Variants in TOX4 observed in about 807,000 individuals in gnomAD.
TOX4 encodes the protein TOX high mobility group box family member 4, also known as epidermal Langerhans cell protein LCP1.
In TOX4, 12 loss-of-function variants were observed where a neutral mutation model predicts 61.0. That is an observed-to-expected ratio of 0.20 (90% confidence interval 0.13 to 0.32). The LOEUF (loss-of-function observed/expected upper bound fraction) is 0.32, where lower values mean the gene tolerates loss of function less well. Ranked by LOEUF, TOX4 falls within the 10% of genes least tolerant of loss-of-function variation. The probability of loss-of-function intolerance (pLI) is 1.00; values close to 1 mark genes in which losing one functional copy is unlikely to be tolerated. For missense variants in TOX4, 499 were observed against 753.3 expected (o/e 0.66, Z 3.95); for synonymous variants, 268 against 274.8 (o/e 0.98, Z 0.24).
chr14:21,489,878 G>T (rs943235145), intron 5 of TOX4, among the ~76,000 whole-genome samples: 2 of 151,014 alleles, frequency 1.3e-5, no homozygotes, highest in Non-Finnish European at 2.9e-5. Flanking sequence ...ACTGCGCCCG[G>T]CCTATTTAAA....
chr14:21,486,978 G>C (rs1891200442), intron 2 of TOX4, among the ~76,000 whole-genome samples: 1 of 152,198 alleles, frequency 6.6e-6, no homozygotes, highest in Non-Finnish European at 1.5e-5. Flanking sequence ...GCATCTGTTT[G>C]AAAGGAACCT....
At chr14:21,495,960 A>G (rs1430569584) in intron 8 of TOX4, 2 of 153,348 alleles carry the variant, frequency 1.3e-5, no homozygotes, top group African/African-American at 4.8e-5. Flanking sequence ...CTATCTCACC[A>G]TAATGCTGTA....
At chr14:21,477,651 A>C in intron 2 of TOX4, 87 bp downstream of exon 2, 1 of 1,485,112 alleles carries the variant, frequency 6.7e-7, no homozygotes, top group Non-Finnish European at 9.2e-7. Context: ...GACTCCGGGG[A>C]CGGGGGCTGG....
intron 5 of TOX4, 67 bp downstream of exon 5, chr14:21,489,470 TTTC>T (rs1891247269): frequency 7.4e-7 from 1 of 1,357,268 alleles, no homozygotes. Context: ...AAATTGAGGT[TTTC>T]TTTTTTCTTA....
At chr14:21,480,578 G>A (rs543875181) in intron 2 of TOX4, among the ~76,000 whole-genome samples, 171 of 151,406 alleles carry the variant, frequency 1.1e-3, no homozygotes, top group African/African-American at 4.0e-3. Flanking sequence ...AGACTTTGCC[G>A]ACCCTCCCCC....
At position 21,488,742 on chromosome 14, in the gene TOX4, A is replaced by G. The variant is rs1262367260; in HGVS notation, c.471A>G (p.Leu157=). 6.2e-7 allele frequency: 1 copy of G among 1,614,168 alleles called. No homozygotes were observed. The highest frequency in any genetic ancestry group is 8.5e-7 in the Non-Finnish European group (1 of 1,180,036). The change falls in exon 4 of 9, where the codon CTA becomes CTG. Residue 157 remains leucine (L), a synonymous_variant. Transcript: ENST00000448790. ...SELSSQLGLS[L]GGGTILPPAQ... ...TGAGTTCCCAGCTGGGTTTGAGCCT[A>G]GGGGGTGGCACCATCCTGCCACCTG...
Position 21,492,900 on chromosome 14 carries a change from A to AGCTGCT in TOX4, c.1297_1302dup (p.Ala433_Ala434dup), listed in dbSNP as rs111748520. 5.6e-6 allele frequency: 9 copies of AGCTGCT among 1,605,294 alleles called. No homozygotes were observed. The highest frequency in any genetic ancestry group is 4.2e-6 in the Non-Finnish European group (5 of 1,177,754). ...CTCGGTCAGTGTTGCAGGCAGCAGC[A>AGCTGCT]GCTGCTGCTGCTGCTGCTTCTATGC... is the stretch of plus-strand genomic sequence containing the variant. On this transcript the variant is annotated inframe_insertion, in exon 7 of 9. Transcript: ENST00000448790.
intron 7 of TOX4, among the ~76,000 whole-genome samples, chr14:21,494,749 CAA>C (rs71419140): frequency 1.7e-3 from 179 of 105,670 alleles, no homozygotes; most frequent in Admixed American, 2.5e-3. Flanking sequence ...GACTCCGTCT[CAA>C]AAAAAAAAAA....
intron 8 of TOX4, chr14:21,495,714 GA>G (rs1891385497): frequency 6.1e-6 from 1 of 164,392 alleles, no homozygotes; most frequent in Non-Finnish European, 1.3e-5. Flanking sequence ...ACTACTTAGG[GA>G]ACTAGAATTT....
At chr14:21,495,049 A>G (rs933246323) in intron 7 of TOX4, among the ~76,000 whole-genome samples, 180 bp from the exon 8 acceptor site, 1 of 152,146 alleles carries the variant, frequency 6.6e-6, no homozygotes, top group Non-Finnish European at 1.5e-5. Flanking sequence ...CTGCTTGGCA[A>G]AGTTCTGAAG....
At chr14:21,490,200 G>A (rs911833642) in intron 5 of TOX4, among the ~76,000 whole-genome samples, 25 of 150,924 alleles carry the variant, frequency 1.7e-4, no homozygotes, top group Non-Finnish European at 1.3e-4. Context: ...GTTATAGGCC[G>A]GGCGCGGTGG....
At position 21,485,254 on chromosome 14, in the gene TOX4, A is replaced by G. The variant is rs1366028125; in HGVS notation, c.76-2197A>G. ...AACATGGAGAAACCCCGTCTCTACT[A>G]AAAATACAAAATTAGCCGGGCATGG... On this transcript the variant is annotated intron_variant, in intron 2 of 8. Coordinates refer to ENST00000448790, the MANE Select transcript of TOX4 (RefSeq NM_014828.4). Among the ~76,000 whole-genome samples the G allele has an allele frequency of 1.9e-5, 2 of 104,874 alleles. 1 individual carries two copies. Among genetic ancestry groups the G allele is most frequent in the Non-Finnish European group, 4.2e-5 (2 of 47,790 alleles). 68.8% of individuals were successfully genotyped at this position (104,874 alleles called of 152,430 possible). A position where few individuals can be genotyped will look rare whatever the true frequency, so the allele number is the denominator to read the frequency against.
chr14:21,489,605 GTC>G (rs1891250031), intron 5 of TOX4, among the ~76,000 whole-genome samples: 1 of 151,376 alleles, frequency 6.6e-6, no homozygotes, highest in Admixed American at 6.6e-5. Context: ...TTGAGACAGA[GTC>G]TCGCTCTGTC....
Position 21,498,479 on chromosome 14 carries a change from C to T in TOX4, c.*1873C>T, listed in dbSNP as rs1358834550. 1.0e-6 allele frequency: 1 copy of T among 995,728 alleles called. No homozygotes were observed. Among genetic ancestry groups the T allele is most frequent in the Non-Finnish European group, 1.5e-6 (1 of 661,074 alleles). The allele number at this position is 995,728 out of a possible 1,614,324, so 61.7% of individuals were successfully genotyped here. ...ACTGCCTATCATCATATCAAATATG[C>T]CAATTCTAAAAAGAGCTTAACATTA... On this transcript the variant is annotated 3_prime_UTR_variant, in exon 9 of 9. Transcript: ENST00000448790.
At chr14:21,484,418 G>T (rs1342905878) in intron 2 of TOX4, among the ~76,000 whole-genome samples, 3 of 125,876 alleles carry the variant, frequency 2.4e-5, no homozygotes, top group African/African-American at 6.1e-5. Flanking sequence ...GCACAATCTC[G>T]GCTCACTGCA....
Position 21,488,609 on chromosome 14 carries a change from G to A in TOX4, c.338G>A (p.Gly113Glu), listed in dbSNP as rs774205114. 6.2e-7 allele frequency: 1 copy of A among 1,613,982 alleles called. No homozygotes were observed. Among genetic ancestry groups the A allele is most frequent in the South Asian group, 1.1e-5 (1 of 91,070 alleles). Reference protein sequence around the residue: ...GLTMDLDHSIGTQYSANPPVT... With the variant: ...GLTMDLDHSIETQYSANPPVT... ...TCTCAGGACTTGGACCACTCTATAG[G>A]AACTCAGTATAGTGCCAACCCACCT... Residue 113 changes from glycine to glutamate, a missense_variant, in exon 4 of 9, where the codon GGA becomes GAA. Physicochemically the swap from Gly to Glu is moderately conservative, Grantham distance 98 (BLOSUM62 -2). Coordinates refer to ENST00000448790, the MANE Select transcript of TOX4 (RefSeq NM_014828.4).
At position 21,498,202 on chromosome 14, in the gene TOX4, C is replaced by G; in HGVS notation, c.*1596C>G. 2 of 986,026 alleles carry G rather than the reference C, an allele frequency of 2.0e-6. No individual in the cohort carries two copies. Among genetic ancestry groups the G allele is most frequent in the Non-Finnish European group, 3.3e-6 (2 of 613,528 alleles). The allele number at this position is 986,026 out of a possible 1,614,324, so 61.1% of individuals were successfully genotyped here. A position where few individuals can be genotyped will look rare whatever the true frequency, so the allele number is the denominator to read the frequency against. On this transcript the variant is annotated 3_prime_UTR_variant, in exon 9 of 9. Coordinates refer to ENST00000448790, the MANE Select transcript of TOX4 (RefSeq NM_014828.4). ...AAGCTATTGTACAAATATCACTCTT[C>G]AGGTTTAGCTTACAGAGCCATGGCT...
At chr14:21,488,384 T>C (rs1482055676) in intron 3 of TOX4, 3 of 575,778 alleles carry the variant, frequency 5.2e-6, no homozygotes, top group South Asian at 2.4e-5. Context: ...AGTTCTTCTT[T>C]TGAGTGCAAA....
At position 21,498,514 on chromosome 14, in the gene TOX4, A is replaced by G. The variant is rs1891467696; in HGVS notation, c.*1908A>G. ...AAAGAGCTTAACATTAGAATAGTAT[A>G]TGGTAGAATTACTAGTTCAGAATTG... On this transcript the variant is annotated 3_prime_UTR_variant, in exon 9 of 9. Transcript: ENST00000448790. 9.8e-6 allele frequency: 7 copies of G among 717,558 alleles called. No individual in the cohort carries two copies. The highest frequency in any genetic ancestry group is 1.9e-5 in the South Asian group (1 of 51,826). 44.4% of individuals were successfully genotyped at this position (717,558 alleles called of 1,614,324 possible).
Sources: allele counts gnomAD v4.1 joint callset (sites outside exome capture counted in the v4.1 genomes callset), GRCh38; gene constraint gnomAD v4.1.1; transcripts MANE v1.5; gene names NCBI Gene and HGNC (gene_info 2026-07-23, HGNC 2026-07-21).